GOLIM4: variants seen among roughly 807,000 people sequenced by gnomAD.
The protein encoded by GOLIM4 is golgi integral membrane protein 4.
A neutral mutation model predicts 107.4 loss-of-function variants in GOLIM4; 71 were observed. That is an observed-to-expected ratio of 0.66 (90% CI 0.55 to 0.81). GOLIM4 has a LOEUF of 0.81. Among genes scored for constraint, GOLIM4 ranks in the 30% least tolerant of loss-of-function variants. The pLI is 0.00. For missense variants in GOLIM4, 830 were observed against 826.1 expected (o/e 1.00, Z -0.06); for synonymous variants, 327 against 294.8 (o/e 1.11, Z -1.12).
At chr3:168,074,401 G>A (rs1411194506) in intron 1 of GOLIM4, among the ~76,000 whole-genome samples, 3 of 152,108 alleles carry the variant, frequency 2.0e-5, no homozygotes, top group African/African-American at 7.2e-5. Flanking sequence ...TCTGAGCAGA[G>A]GCCTGAATAA....
chr3:168,022,899 GA>G (rs1577508532), intron 14 of GOLIM4, among the ~76,000 whole-genome samples: 2 of 152,190 alleles, frequency 1.3e-5, no homozygotes, highest in East Asian at 3.9e-4. Flanking sequence ...ATCTGAAGGG[GA>G]TGACTGGTGG....
At chr3:168,046,811 A>G (rs1400328263) in intron 3 of GOLIM4, 139 bp downstream of exon 3, 2 of 458,430 alleles carry the variant, frequency 4.4e-6, no homozygotes, top group Non-Finnish European at 7.8e-6. Context: ...GCAGCCAAAA[A>G]AAAAAAAAGG....
intron 13 of GOLIM4, 152 bp downstream of exon 13, chr3:168,024,776 A>T (rs901555184): frequency 9.5e-6 from 8 of 841,460 alleles, no homozygotes; most frequent in Admixed American, 5.8e-5. Context: ...CCTCTCTCTC[A>T]GAGTACAGGC....
intron 1 of GOLIM4, among the ~76,000 whole-genome samples, chr3:168,056,179 C>G (rs1488466988): frequency 6.6e-6 from 1 of 152,192 alleles, no homozygotes; most frequent in Non-Finnish European, 1.5e-5. Context: ...TGAAAGGCAC[C>G]AACATAGAGC....
At chr3:168,049,935 C>T (rs569256191) in intron 1 of GOLIM4, among the ~76,000 whole-genome samples, 77 of 152,298 alleles carry the variant, frequency 5.1e-4, no homozygotes, top group Non-Finnish European at 7.9e-4. Flanking sequence ...CCTCTATTCA[C>T]ACCTCTGCTA....
intron 14 of GOLIM4, among the ~76,000 whole-genome samples, chr3:168,017,446 T>G (rs1162572864): frequency 6.6e-6 from 1 of 152,184 alleles, no homozygotes; most frequent in Non-Finnish European, 1.5e-5. Flanking sequence ...GCTATGTTTG[T>G]GTCACTGCAC....
At chr3:168,049,046 C>T (rs549381361) in intron 1 of GOLIM4, among the ~76,000 whole-genome samples, 1 of 152,168 alleles carries the variant, frequency 6.6e-6, no homozygotes, top group African/African-American at 2.4e-5. Context: ...AAGAAACCAG[C>T]GGCAAACCGA....
At chr3:168,066,289 T>C (rs1217847068) in intron 1 of GOLIM4, among the ~76,000 whole-genome samples, 1 of 152,136 alleles carries the variant, frequency 6.6e-6, no homozygotes, top group Non-Finnish European at 1.5e-5. Flanking sequence ...ACCTCACTAG[T>C]TCCAGATTCC....
At position 168,010,780 on chromosome 3, in the gene GOLIM4, T is replaced by C. The variant is rs926842849; in HGVS notation, c.1904A>G (p.His635Arg). 2 of 1,612,570 alleles carry C rather than the reference T, an allele frequency of 1.2e-6. No individual in the cohort carries two copies. Among genetic ancestry groups the C allele is most frequent in the African/African-American group, 1.3e-5 (1 of 74,910 alleles). The change falls in exon 15 of 16, where the codon CAT (histidine) becomes CGT (arginine). Residue 635 changes from histidine to arginine, a missense_variant. His to Arg is a conservative substitution (Grantham distance 29). Coordinates refer to ENST00000470487, the MANE Select transcript of GOLIM4 (RefSeq NM_014498.5). ...TTCACCATAGGTCTCTTCAGCATTATGCTCCAGTTCCCTTTTTTTCTCTTC... is the reference window on the plus strand; with the variant it reads ...TTCACCATAGGTCTCTTCAGCATTACGCTCCAGTTCCCTTTTTTTCTCTTC... The part of the protein sequence containing the change: ...LTEEKKRELE[H>R]NAEETYGEND...
chr3:168,076,741 T>C (rs1450066408), intron 1 of GOLIM4, among the ~76,000 whole-genome samples: 2 of 152,186 alleles, frequency 1.3e-5, no homozygotes, highest in Admixed American at 1.3e-4. Context: ...ATATCATCTT[T>C]TGCTGCTAAA....
At chr3:168,063,835 T>G (rs56735103) in intron 1 of GOLIM4, among the ~76,000 whole-genome samples, 26,390 of 151,866 alleles carry the variant, frequency 0.17, 2,513 homozygotes, top group Middle Eastern at 0.24. Context: ...TTTACCCATG[T>G]AACAAACCTG....
At chr3:168,015,115 C>G (rs1347545848) in intron 14 of GOLIM4, among the ~76,000 whole-genome samples, 1 of 150,652 alleles carries the variant, frequency 6.6e-6, no homozygotes, top group Admixed American at 6.6e-5. Context: ...TGTTTGCAGA[C>G]GACATGATTG....
chr3:168,093,836 C>G (rs1436295756), intron 1 of GOLIM4, among the ~76,000 whole-genome samples: 1 of 152,096 alleles, frequency 6.6e-6, no homozygotes, highest in Non-Finnish European at 1.5e-5. Flanking sequence ...CAAGTTAAGT[C>G]CAAACAATCG....
At chr3:168,032,475 G>C in intron 9 of GOLIM4, 45 bp downstream of exon 9, 2 of 1,394,900 alleles carry the variant, frequency 1.4e-6, no homozygotes, top group Non-Finnish European at 2.0e-6. Flanking sequence ...ATAAAGCCAG[G>C]TTTTCCATCC....
At chr3:168,038,477 C>G (rs1718784963) in intron 7 of GOLIM4, among the ~76,000 whole-genome samples, 1 of 152,202 alleles carries the variant, frequency 6.6e-6, no homozygotes, top group Non-Finnish European at 1.5e-5. Context: ...AAAAATATCA[C>G]TTAAGAGTTA....
At chr3:168,081,907 G>A (rs750582397) in intron 1 of GOLIM4, among the ~76,000 whole-genome samples, 1 of 152,164 alleles carries the variant, frequency 6.6e-6, no homozygotes, top group Non-Finnish European at 1.5e-5. Flanking sequence ...GGAGATGGGA[G>A]GGTAAGAGGG....
chr3:168,037,409 G>A (rs988637837), intron 7 of GOLIM4, among the ~76,000 whole-genome samples: 3 of 151,960 alleles, frequency 2.0e-5, no homozygotes, highest in African/African-American at 7.3e-5. Flanking sequence ...AAATCTTTCA[G>A]TAGAAAGGAG....
At chr3:168,092,798 G>A (rs1278554036) in intron 1 of GOLIM4, among the ~76,000 whole-genome samples, 1 of 152,030 alleles carries the variant, frequency 6.6e-6, no homozygotes, top group East Asian at 1.9e-4. Context: ...GCTTACACAT[G>A]GGAAATCCAA....
At chr3:168,089,221 A>C (rs942865562) in intron 1 of GOLIM4, among the ~76,000 whole-genome samples, 3 of 152,238 alleles carry the variant, frequency 2.0e-5, no homozygotes, top group African/African-American at 4.8e-5. Flanking sequence ...AGGATCAAGC[A>C]AAAATGATAG....
Sources: allele counts gnomAD v4.1 joint callset (sites outside exome capture counted in the v4.1 genomes callset), GRCh38; gene constraint gnomAD v4.1.1; transcripts MANE v1.5; gene names NCBI Gene and HGNC (gene_info 2026-07-23, HGNC 2026-07-21).